The following WDR59 variants were observed in gnomAD, a reference collection of about 807,000 sequenced individuals.
The protein encoded by WDR59 is WD repeat domain 59.
In WDR59, 100 loss-of-function variants were observed where a neutral mutation model predicts 131.2. The ratio of observed to expected loss-of-function variants is 0.76; its 90% CI spans 0.65 to 0.90. The LOEUF is 0.90. WDR59 is among the 40% of genes least tolerant of loss of function. WDR59 has a pLI of 0.00. For missense variants in WDR59, 1,203 were observed against 1,262.2 expected (o/e 0.95, Z 0.71); for synonymous variants, 601 against 466.2 (o/e 1.29, Z -3.72).
chr16:74,974,192 G>C (rs1597819443), intron 1 of WDR59, among the ~76,000 whole-genome samples: 1 of 151,912 alleles, frequency 6.6e-6, no homozygotes, highest in Non-Finnish European at 1.5e-5. Context: ...AAAATCAATT[G>C]ATTAATTAAA....
At position 74,888,264 on chromosome 16, in the gene WDR59, C is replaced by T. The variant is rs759506239; in HGVS notation, c.2251G>A (p.Val751Met). The T allele has an allele frequency of 5.0e-6, 8 of 1,613,850 alleles. No individual in the cohort carries two copies. Among genetic ancestry groups the T allele is most frequent in the Non-Finnish European group, 4.2e-6 (5 of 1,179,972 alleles). The change falls in exon 22 of 26, where the codon GTG (valine) becomes ATG (methionine). Residue 751 changes from valine (V) to methionine (M), a missense_variant. Physicochemically the swap from Val to Met is conservative, Grantham distance 21 (BLOSUM62 1). Transcript: ENST00000262144. ...DVQTLAMLCS[V>M]FEAQSRPQGL... ...TGAGGCCGAGACTGGGCTTCAAACA[C>T]GCTACAGAGCATCGCCAGTGTCTGA...
chr16:74,972,640 C>T (rs1667385932), intron 1 of WDR59, among the ~76,000 whole-genome samples: 1 of 150,912 alleles, frequency 6.6e-6, no homozygotes, highest in South Asian at 2.1e-4. Flanking sequence ...TTGAGACCAG[C>T]CTGGCCAACA....
At position 74,922,058 on chromosome 16, in the gene WDR59, T is replaced by C. The variant is rs1194387416; in HGVS notation, c.775A>G (p.Arg259Gly). The C allele has an allele frequency of 6.2e-7, 1 of 1,614,016 alleles. No homozygotes were observed. Among genetic ancestry groups the C allele is most frequent in the Non-Finnish European group, 8.5e-7 (1 of 1,180,036 alleles). The stretch of plus-strand genomic sequence containing the variant: ...TTCCACAGGAGAAGGCTGTTTTCCC[T>C]CCGCAGCTGGGGAACCATCACAGTC... Reference protein sequence around the residue: ...LVTVMVPQLRRENSLLLWNVF... With the variant: ...LVTVMVPQLRGENSLLLWNVF... The change falls in exon 10 of 26, where the codon AGG becomes GGG. Residue 259 changes from arginine (R) to glycine (G), a missense_variant. By Grantham distance (125) the Arg-to-Gly change is moderately radical (BLOSUM62 -2). Transcript: ENST00000262144.
rs544392912 is a variant in WDR59 at position 74,884,783 on chromosome 16, C to T, written c.2689+870G>A. Among the ~76,000 whole-genome samples, 147 of 152,316 alleles carry T rather than the reference C, an allele frequency of 9.7e-4. 2 individuals carry two copies. The highest frequency in any genetic ancestry group is 3.3e-3 in the African/African-American group (139 of 41,576). On this transcript the variant is annotated intron_variant, in intron 25 of 25. Transcript: ENST00000262144. ...GCCACCTTCCTTCGCTTGTTCACAA[C>T]GACAGTCATTTCCCTGGGGCCTGTC...
intron 2 of WDR59, among the ~76,000 whole-genome samples, chr16:74,965,286 C>T (rs1010029179): frequency 1.6e-5 from 2 of 123,490 alleles, no homozygotes; most frequent in African/African-American, 7.2e-5. Flanking sequence ...AATTTTGAGC[C>T]AGAAGATGCT....
At chr16:74,964,046 A>C (rs1237270555) in intron 2 of WDR59, among the ~76,000 whole-genome samples, 1 of 152,046 alleles carries the variant, frequency 6.6e-6, no homozygotes, top group Non-Finnish European at 1.5e-5. Context: ...GAAAAAAAGA[A>C]AGAAAATGAA....
At chr16:74,884,253 T>G (rs1048689341) in intron 25 of WDR59, among the ~76,000 whole-genome samples, 1 of 152,210 alleles carries the variant, frequency 6.6e-6, no homozygotes, top group Non-Finnish European at 1.5e-5. Context: ...CCTTTCCTCG[T>G]AGGAAGGCCA....
intron 1 of WDR59, among the ~76,000 whole-genome samples, chr16:74,980,664 A>T (rs999307437): frequency 6.6e-6 from 1 of 152,130 alleles, no homozygotes; most frequent in Non-Finnish European, 1.5e-5. Flanking sequence ...AAAATCTAAA[A>T]GTTTTAATTT....
chr16:74,982,431 G>C (rs1272805347), intron 1 of WDR59, among the ~76,000 whole-genome samples: 1 of 152,156 alleles, frequency 6.6e-6, no homozygotes, highest in Non-Finnish European at 1.5e-5. Context: ...GACAACTGCT[G>C]TTGAGGTTTA....
chr16:74,980,349 T>G (rs1441855054), intron 1 of WDR59, among the ~76,000 whole-genome samples: 2 of 150,904 alleles, frequency 1.3e-5, no homozygotes, highest in East Asian at 2.0e-4. Flanking sequence ...CTCTGAAAAA[T>G]CTAAGTCTTT....
intron 6 of WDR59, among the ~76,000 whole-genome samples, chr16:74,943,198 C>G (rs566834535): frequency 1.3e-5 from 2 of 151,634 alleles, no homozygotes; most frequent in African/African-American, 2.4e-5. Context: ...GACACCTGCT[C>G]GCACTCCTAA....
At chr16:74,875,133 TG>T (rs756776116) in intron 25 of WDR59, among the ~76,000 whole-genome samples, 55 of 152,348 alleles carry the variant, frequency 3.6e-4, no homozygotes, top group Middle Eastern at 6.8e-3. Context: ...GAGGGCAGAC[TG>T]GCTTTACCAA....
Position 74,921,973 on chromosome 16 carries a change from T to A in WDR59, c.860A>T (p.Glu287Val). ...TTCCTTCTGCTTCCTCCACTGGAAC[T>A]CCAGGACCACATCATCATGCCCCAC... The part of the protein sequence containing the change: ...TFVGHDDVVL[E>V]FQWRKQKEGS... The change falls in exon 10 of 26, where the codon GAG (glutamate) becomes GTG (valine). Residue 287 changes from glutamate (E) to valine (V), a missense_variant. Glu to Val is a moderately radical substitution (Grantham distance 121). Coordinates refer to ENST00000262144, the MANE Select transcript of WDR59 (RefSeq NM_030581.4). The A allele has an allele frequency of 6.2e-7, 1 of 1,614,138 alleles. No homozygotes were observed. The highest frequency in any genetic ancestry group is 8.5e-7 in the Non-Finnish European group (1 of 1,180,018).
intron 2 of WDR59, among the ~76,000 whole-genome samples, chr16:74,958,608 A>AAAAAAAC (rs2033413927): frequency 7.0e-6 from 1 of 143,086 alleles, no homozygotes; most frequent in Non-Finnish European, 1.5e-5. Context: ...AAAAAAAAAA[A>AAAAAAAC]AAAAAAAAAA....
intron 1 of WDR59, among the ~76,000 whole-genome samples, chr16:74,975,088 C>A (rs1287691392): frequency 6.6e-6 from 1 of 152,234 alleles, no homozygotes; most frequent in Non-Finnish European, 1.5e-5. Context: ...CAGTCGGGCG[C>A]AGAGGCTCAC....
chr16:74,922,513 G>C (rs1179523651), intron 9 of WDR59, among the ~76,000 whole-genome samples: 1 of 152,140 alleles, frequency 6.6e-6, no homozygotes, highest in Non-Finnish European at 1.5e-5. Flanking sequence ...CCTAATTCTT[G>C]CCACGTGGAA....
chr16:74,945,815 CTTTT>C (rs777336166), intron 6 of WDR59, among the ~76,000 whole-genome samples: 4 of 132,980 alleles, frequency 3.0e-5, no homozygotes, highest in East Asian at 4.2e-4. Context: ...ATTCACATAA[CTTTT>C]TTTTTTTTTT....
chr16:74,966,602 AC>A (rs1218501651), intron 1 of WDR59, among the ~76,000 whole-genome samples: 1 of 152,002 alleles, frequency 6.6e-6, no homozygotes, highest in Non-Finnish European at 1.5e-5. Flanking sequence ...GTGAAACCTA[AC>A]CTGGACACCC....
chr16:74,874,923 C>T (rs1470718327), intron 25 of WDR59, among the ~76,000 whole-genome samples: 1 of 151,622 alleles, frequency 6.6e-6, no homozygotes, highest in Admixed American at 6.6e-5. Context: ...ACCAGAACTC[C>T]TTCTTCTGAG....
Sources: gnomAD v4.1 joint callset for allele counts (sites outside exome capture counted in the v4.1 genomes callset) on GRCh38, gnomAD v4.1.1 for gene constraint, MANE v1.5 for transcripts, NCBI Gene and HGNC (gene_info 2026-07-23, HGNC 2026-07-21) for gene names.